Variants in SCN7A observed in about 807,000 individuals in gnomAD.
SCN7A encodes the protein sodium channel protein type 7 subunit alpha.
In SCN7A, 138 loss-of-function variants were observed where a neutral mutation model predicts 155.2. The observed-to-expected ratio is 0.89, with a 90% CI of 0.77 to 1.02. The LOEUF (loss-of-function observed/expected upper bound fraction) is 1.02, where lower values mean the gene tolerates loss of function less well. Among genes scored for constraint, SCN7A ranks in the 50% least tolerant of loss-of-function variants. The pLI is 0.00. For synonymous variants in SCN7A, 693 were observed against 649.0 expected, an observed-to-expected ratio of 1.07 and a Z score of -1.03; for missense variants, 2,058 against 1,986.6, an observed-to-expected ratio of 1.04 and a Z score of -0.68.
At chr2:166,473,619 G>T (rs1384401799) in intron 5 of SCN7A, among the ~76,000 whole-genome samples, 180 bp downstream of exon 5, 1 of 150,962 alleles carries the variant, frequency 6.6e-6, no homozygotes, top group Non-Finnish European at 1.5e-5. Flanking sequence ...GAATGAGATT[G>T]CAATAGCAAA....
At chr2:166,464,223 C>T (rs1048168574) in intron 9 of SCN7A, among the ~76,000 whole-genome samples, 1 of 150,992 alleles carries the variant, frequency 6.6e-6, no homozygotes, top group African/African-American at 2.4e-5. Flanking sequence ...CACATACATA[C>T]ATATATGTGT....
At position 166,414,560 on chromosome 2, in the gene SCN7A, C is replaced by T. The variant is rs945344615; in HGVS notation, c.3415-1439G>A. 29 of 141,286 alleles carry T rather than the reference C, an allele frequency of 2.1e-4. No individual in the cohort carries two copies. The East Asian group carries it at 2.4e-3, about 12-fold the overall frequency. The allele number at this position is 141,286 out of a possible 1,614,324, so 8.8% of individuals were successfully genotyped here. A position where few individuals can be genotyped will look rare whatever the true frequency, so the allele number is the denominator to read the frequency against. On this transcript the variant is annotated intron_variant, in intron 21 of 25. Transcript: ENST00000643258. ...TCTATATCCTCATCTTACCAGGCTT[C>T]GGAATAATCTCCCACATCCGGAAAA... is the stretch of plus-strand genomic sequence containing the variant.
At position 166,456,889 on chromosome 2, in the gene SCN7A, T is replaced by C; in HGVS notation, c.1271A>G (p.Glu424Gly). 6.5e-7 allele frequency: 1 copy of C among 1,543,922 alleles called. No homozygotes were observed. The highest frequency in any genetic ancestry group is 8.8e-7 in the Non-Finnish European group (1 of 1,140,918). ...AGATACCTCATCTGTTTCATTTCCT[T>C]CTTGAAGTTCTTTTCCAGTCTGTTG... Reference protein sequence around the residue: ...KFQQTGKELQEGNETDEAKTI... With the variant: ...KFQQTGKELQGGNETDEAKTI... Residue 424 changes from glutamate (E) to glycine (G), a missense_variant, in exon 11 of 26, where the codon GAA (glutamate) becomes GGA (glycine). Coordinates refer to ENST00000643258, the MANE Select transcript of SCN7A (RefSeq NM_002976.4).
chr2:166,419,868 A>T (rs1010501443), intron 20 of SCN7A, among the ~76,000 whole-genome samples: 3 of 152,110 alleles, frequency 2.0e-5, no homozygotes, highest in African/African-American at 7.2e-5. Flanking sequence ...TATAATTGGA[A>T]TTTTGCCACA....
At chr2:166,462,309 T>C in intron 10 of SCN7A, 80 bp downstream of exon 10, 2 of 1,398,004 alleles carry the variant, frequency 1.4e-6, no homozygotes, top group East Asian at 5.0e-5. Flanking sequence ...TTTAAAAAAC[T>C]ATATTACATT....
At chr2:166,475,615 T>C (rs1702780379) in intron 3 of SCN7A, among the ~76,000 whole-genome samples, 1 of 151,890 alleles carries the variant, frequency 6.6e-6, no homozygotes. Flanking sequence ...TAAATCTGAT[T>C]TTTTAAAATG....
chr2:166,472,616 T>G (rs1702684959), intron 5 of SCN7A, among the ~76,000 whole-genome samples, 171 bp from the exon 6 acceptor site: 1 of 151,716 alleles, frequency 6.6e-6, no homozygotes, highest in South Asian at 2.1e-4. Context: ...TAGACAACAT[T>G]CAAGAAAGCA....
At chr2:166,451,027 T>C (rs1336245930) in intron 11 of SCN7A, among the ~76,000 whole-genome samples, 1 of 152,170 alleles carries the variant, frequency 6.6e-6, no homozygotes, top group African/African-American at 2.4e-5. Flanking sequence ...TATTGAATAA[T>C]ATCCTTGAAT....
At chr2:166,455,490 G>A (rs1021910662) in intron 11 of SCN7A, among the ~76,000 whole-genome samples, 5 of 152,042 alleles carry the variant, frequency 3.3e-5, no homozygotes, top group African/African-American at 1.2e-4. Flanking sequence ...TGGGGGCTCA[G>A]CACTGGGCAA....
chr2:166,450,233 G>T (rs574249085), intron 11 of SCN7A, among the ~76,000 whole-genome samples: 6 of 152,098 alleles, frequency 3.9e-5, no homozygotes, highest in Non-Finnish European at 5.9e-5. Flanking sequence ...AATACCATAC[G>T]TTCTCACTTT....
intron 25 of SCN7A, among the ~76,000 whole-genome samples, chr2:166,408,082 C>T (rs1173800581): frequency 1.3e-5 from 2 of 152,026 alleles, no homozygotes; most frequent in Non-Finnish European, 2.9e-5. Flanking sequence ...GCTCATTCTT[C>T]CCCACTCCAC....
intron 17 of SCN7A, among the ~76,000 whole-genome samples, chr2:166,428,813 G>C (rs916391909): frequency 6.6e-6 from 1 of 152,116 alleles, no homozygotes; most frequent in African/African-American, 2.4e-5. Flanking sequence ...ACCACTGTGT[G>C]CTTTAGAACA....
rs190060121 is a variant in SCN7A at position 166,423,627 on chromosome 2, C to T, written c.2854-195G>A. 6.6e-5 allele frequency among the ~76,000 whole-genome samples: 10 copies of T among 152,126 alleles called. No individual in the cohort carries two copies. In the East Asian group the frequency reaches 1.4e-3, roughly 21 times the overall value. On this transcript the variant is annotated intron_variant, in intron 18 of 25. Coordinates refer to ENST00000643258, the MANE Select transcript of SCN7A (RefSeq NM_002976.4). ...TAAGTATTATTATTTGACCCCATGC[C>T]TACGCCAGACATCATTAATTGATCC...
At chr2:166,491,157 A>G (rs993495421) in intron 1 of SCN7A, among the ~76,000 whole-genome samples, 3 of 152,196 alleles carry the variant, frequency 2.0e-5, no homozygotes, top group African/African-American at 4.8e-5. Flanking sequence ...CCTAGGGTCT[A>G]TGGCCCCCAA....
In SCN7A at chr2:166,403,723, A is replaced by G. The variant is rs1225939633; in HGVS notation, c.*1857T>C. ...GTAAAAGATAAACTTTTCAAACTAA[A>G]ATCAGTTTGTTGTCTTTACGCAATT... On this transcript the variant is annotated 3_prime_UTR_variant, in exon 26 of 26. Transcript: ENST00000643258. 1 of 152,022 alleles carries G rather than the reference A, an allele frequency of 6.6e-6. No homozygotes were observed. The highest frequency in any genetic ancestry group is 6.6e-5 in the Admixed American group (1 of 15,226). 9.4% of individuals were successfully genotyped at this position (152,022 alleles called of 1,614,324 possible).
Position 166,409,838 on chromosome 2 carries a change from A to G in SCN7A, c.3809T>C (p.Ile1270Thr), listed in dbSNP as rs1217755739. 1 of 1,572,370 alleles carries G rather than the reference A, an allele frequency of 6.4e-7. No individual in the cohort carries two copies. The highest frequency in any genetic ancestry group is 8.6e-7 in the Non-Finnish European group (1 of 1,156,624). ...TTGTAGACTCTGAACATCAGTGTCT[A>G]TCATCATGGCTATTGCTTGGAAACA... ...LICFQAIAMM[I>T]DTDVQSLQMS... The change falls in exon 25 of 26, where the codon ATA becomes ACA. Residue 1270 changes from isoleucine (I) to threonine (T), a missense_variant. Ile to Thr is a moderately conservative substitution (Grantham distance 89). Transcript: ENST00000643258.
chr2:166,458,169 T>A (rs962726599), intron 10 of SCN7A, among the ~76,000 whole-genome samples: 28 of 151,590 alleles, frequency 1.8e-4, no homozygotes, highest in African/African-American at 6.3e-4. Context: ...CTACTAAAAA[T>A]ACAAAAAAAA....
At chr2:166,429,626 T>C (rs186599957) in intron 16 of SCN7A, among the ~76,000 whole-genome samples, 2 of 152,198 alleles carry the variant, frequency 1.3e-5, no homozygotes, top group East Asian at 1.9e-4. Context: ...GTTTCCCATA[T>C]ATGCTATTTC....
At chr2:166,421,139 T>C (rs1320935587) in intron 20 of SCN7A, 51 bp downstream of exon 20, 5 of 1,199,700 alleles carry the variant, frequency 4.2e-6, no homozygotes, top group African/African-American at 1.6e-5. Flanking sequence ...TGTGCAAATT[T>C]AGTAATTCCA....
Sources: gnomAD v4.1 joint callset for allele counts (sites outside exome capture counted in the v4.1 genomes callset) on GRCh38, gnomAD v4.1.1 for gene constraint, MANE v1.5 for transcripts, NCBI Gene and HGNC (gene_info 2026-07-23, HGNC 2026-07-21) for gene names.